DRP2: variants seen among roughly 807,000 people sequenced by gnomAD.
DRP2 encodes dystrophin-related protein 2.
In DRP2, 29 loss-of-function variants were observed where a neutral mutation model predicts 78.2. That is an observed-to-expected ratio of 0.37 (90% CI 0.28 to 0.51). DRP2 has a LOEUF of 0.51. DRP2 is among the 20% of genes least tolerant of loss of function. The pLI, the probability that DRP2 is intolerant of heterozygous loss-of-function variation, is 0.94. For missense variants in DRP2, 686 were observed against 770.6 expected (o/e 0.89, Z 1.30); for synonymous variants, 290 against 281.9 (o/e 1.03, Z -0.29).
chrX:101,246,991 A>T (rs1922954149), intron 11 of DRP2, 99 bp from the exon 12 acceptor site: 1 of 654,728 alleles, frequency 1.5e-6, no homozygotes, highest in Non-Finnish European at 2.3e-6. Flanking sequence ...ATTGTCAGAC[A>T]TCTATTGGTT....
At chrX:101,241,028 G>A (rs1205584360) in intron 6 of DRP2, among the ~76,000 whole-genome samples, 1 of 112,195 alleles carries the variant, frequency 8.9e-6, no homozygotes. Context: ...GTGGGCAACA[G>A]AAACTAATGC....
At chrX:101,245,207 C>T in intron 10 of DRP2, 130 bp downstream of exon 10, 2 of 829,168 alleles carry the variant, frequency 2.4e-6, no homozygotes, top group East Asian at 3.2e-5. Context: ...TTCTCCTACT[C>T]ATCTCAAGAT....
At chrX:101,234,661 A>G (rs1018574595) in intron 3 of DRP2, among the ~76,000 whole-genome samples, 1 of 111,072 alleles carries the variant, frequency 9.0e-6, no homozygotes, top group Non-Finnish European at 1.9e-5. Flanking sequence ...GGATCCTGCT[A>G]TGGACTCCCC....
Position 101,236,487 on chromosome X carries a change from C to T in DRP2, c.281+464C>T, listed in dbSNP as rs749465226. On this transcript the variant is annotated intron_variant, in intron 4 of 23. Transcript: ENST00000395209. Reference sequence around the variant, plus strand: ...ATCTGTTCACTTCCCCATCCTTTTACGTTCTATCCATAAGTTTTCAGCCCA... The same window carrying T: ...ATCTGTTCACTTCCCCATCCTTTTATGTTCTATCCATAAGTTTTCAGCCCA... 6.3e-5 allele frequency among the ~76,000 whole-genome samples: 7 copies of T among 111,805 alleles called. No individual in the cohort carries two copies. The East Asian group carries it at 1.7e-3, about 27-fold the overall frequency.
At position 101,260,802 on chromosome X, in the gene DRP2, GA is replaced by G. The variant is rs755520748; in HGVS notation, c.*182del. ...GTGAGGTGCATGCGGGCAGTGATGGGAGAAGGGGAGGCATGATTCTTCTGAC... is the reference window on the plus strand; with the variant it reads ...GTGAGGTGCATGCGGGCAGTGATGGGGAAGGGGAGGCATGATTCTTCTGAC... On this transcript the variant is annotated 3_prime_UTR_variant, in exon 24 of 24. Transcript: ENST00000395209. 25 of 487,958 alleles carry G rather than the reference GA, an allele frequency of 5.1e-5. No homozygotes were observed. Among genetic ancestry groups the G allele is most frequent in the Non-Finnish European group, 6.0e-5 (19 of 317,615 alleles). 40.2% of individuals were successfully genotyped at this position (487,958 alleles called of 1,213,427 possible).
In DRP2 at chrX:101,242,906, G is replaced by A. The variant is rs765838575; in HGVS notation, c.978G>A (p.Ala326=). Reference sequence around the variant, plus strand: ...ACCTCACCCTGTTCTTTCCATAGGCGTCAGTTAGTGAGAGGCTTAAGCAGC... The same window carrying A: ...ACCTCACCCTGTTCTTTCCATAGGCATCAGTTAGTGAGAGGCTTAAGCAGC... The part of the protein sequence containing the change: ...QINVRWKQLQ[A]SVSERLKQLQ... Residue 326 remains alanine, a splice_region_variant and synonymous_variant, in exon 9 of 24, where the codon GCG becomes GCA. Coordinates refer to ENST00000395209, the MANE Select transcript of DRP2 (RefSeq NM_001939.3). The A allele has an allele frequency of 2.6e-5, 32 of 1,208,010 alleles. No homozygotes were observed. In the South Asian group the frequency reaches 3.2e-4, roughly 12 times the overall value.
chrX:101,259,019 C>T (rs1923453282), intron 22 of DRP2, among the ~76,000 whole-genome samples: 1 of 111,656 alleles, frequency 9.0e-6, no homozygotes, highest in South Asian at 3.7e-4. Flanking sequence ...CTCTGAGAGG[C>T]AATGTGTATG....
chrX:101,248,852 A>G (rs1170732919), intron 14 of DRP2, among the ~76,000 whole-genome samples: 1 of 112,120 alleles, frequency 8.9e-6, no homozygotes, highest in Non-Finnish European at 1.9e-5. Flanking sequence ...TGATGGAAGT[A>G]CTTAGTCAGG....
chrX:101,259,659 C>T (rs939930084), intron 22 of DRP2, among the ~76,000 whole-genome samples: 4 of 111,257 alleles, frequency 3.6e-5, no homozygotes, highest in African/African-American at 9.8e-5. Flanking sequence ...CCACCATGCC[C>T]GGCTAATTTT....
rs1203536460 is a variant in DRP2, at chrX:101,258,471, G to A, written c.2553G>A (p.Thr851=). The A allele has an allele frequency of 1.3e-5, 16 of 1,197,064 alleles. No individual in the cohort carries two copies. The South Asian group carries it at 1.6e-4, about 12-fold the overall frequency. The change falls in exon 22 of 24, where the codon ACG becomes ACA. Residue 851 remains threonine, a synonymous_variant. Coordinates refer to ENST00000395209, the MANE Select transcript of DRP2 (RefSeq NM_001939.3). ...GGCAACATAAGAGCCGCCTGGAGACGCGCATGCAGATCCTCGAAGATCACA... is the reference window on the plus strand; with the variant it reads ...GGCAACATAAGAGCCGCCTGGAGACACGCATGCAGATCCTCGAAGATCACA... The part of the protein sequence containing the change: ...ILRQHKSRLE[T]RMQILEDHNK...
chrX:101,247,875 T>G (rs1317059460), intron 12 of DRP2, among the ~76,000 whole-genome samples: 2 of 112,375 alleles, frequency 1.8e-5, no homozygotes, highest in Admixed American at 9.4e-5. Flanking sequence ...ACATTGGATA[T>G]AAAAACATGT....
Position 101,247,692 on chromosome X carries a change from C to A in DRP2, c.1253-397C>A, listed in dbSNP as rs185977420. On this transcript the variant is annotated intron_variant, in intron 12 of 23. Coordinates refer to ENST00000395209, the MANE Select transcript of DRP2 (RefSeq NM_001939.3). ...CACATTTCCCCAACCATACCTGAGC[C>A]TTCATTGCTGGTGTCTAGGTTCTCA... 1.2e-4 allele frequency among the ~76,000 whole-genome samples: 14 copies of A among 112,105 alleles called. No homozygotes were observed. In the Admixed American group the frequency reaches 1.3e-3, roughly 11 times the overall value.
rs773930932 is a variant in DRP2, at chrX:101,247,168, C to T, written c.1252+4C>T. ...AGAGTCCAGAAAGCCCTGCGCTGTA[C>T]GTCTCCTGTTGTACTTCCCTATGAC... is the stretch of plus-strand genomic sequence containing the variant. On this transcript the variant is annotated splice_donor_region_variant and intron_variant, in intron 12 of 23. Transcript: ENST00000395209. 2.1e-5 allele frequency: 25 copies of T among 1,200,730 alleles called. No homozygotes were observed. Among genetic ancestry groups the T allele is most frequent in the Admixed American group, 6.6e-5 (3 of 45,121 alleles).
At chrX:101,223,044 T>C (rs1469806675) in intron 1 of DRP2, among the ~76,000 whole-genome samples, 1 of 111,772 alleles carries the variant, frequency 8.9e-6, no homozygotes, top group Non-Finnish European at 1.9e-5. Context: ...AGAGACGAGA[T>C]CTTGCACTGT....
At chrX:101,257,098 T>A (rs1013487346) in intron 21 of DRP2, among the ~76,000 whole-genome samples, 2 of 110,032 alleles carry the variant, frequency 1.8e-5, no homozygotes, top group African/African-American at 6.6e-5. Flanking sequence ...GACATGACTT[T>A]CCATAAAGTA....
rs1197805711 is a variant in DRP2, at chrX:101,247,141, G to T, written c.1229G>T (p.Arg410Leu). The change falls in exon 12 of 24, where the codon CGC becomes CTC. Residue 410 changes from arginine (R) to leucine (L), a missense_variant. Transcript: ENST00000395209. ...FSAYRTAMKL[R>L]RVQKALRLDL... is the part of the protein sequence containing the mutation. ...GCTTATCGCACTGCCATGAAACTCCGCAGAGTCCAGAAAGCCCTGCGCTGT... is the reference window on the plus strand; with the variant it reads ...GCTTATCGCACTGCCATGAAACTCCTCAGAGTCCAGAAAGCCCTGCGCTGT... The T allele has an allele frequency of 1.7e-6, 2 of 1,209,937 alleles. No individual in the cohort carries two copies. Among genetic ancestry groups the T allele is most frequent in the East Asian group, 3.0e-5 (1 of 33,713 alleles).
intron 17 of DRP2, among the ~76,000 whole-genome samples, chrX:101,253,544 T>G (rs1923218253): frequency 2.8e-5 from 1 of 36,030 alleles, no homozygotes; most frequent in Non-Finnish European, 5.1e-5. Flanking sequence ...TTTCACCTTT[T>G]TTTTTTTTTT....
intron 13 of DRP2, 72 bp from the exon 14 acceptor site, chrX:101,248,442 G>C (rs953593094): frequency 4.4e-6 from 5 of 1,148,205 alleles, no homozygotes; most frequent in Admixed American, 4.4e-5. Flanking sequence ...TCAACTTTGT[G>C]AGGGAAATGA....
intron 6 of DRP2, among the ~76,000 whole-genome samples, chrX:101,241,243 AAC>A (rs761533200): frequency 5.4e-5 from 6 of 112,102 alleles, no homozygotes; most frequent in Non-Finnish European, 1.1e-4. Flanking sequence ...CATAGAACTA[AAC>A]ACACGTGTAC....
Sources: allele counts gnomAD v4.1 joint callset (sites outside exome capture counted in the v4.1 genomes callset), GRCh38; gene constraint gnomAD v4.1.1; transcripts MANE v1.5; gene names NCBI Gene and HGNC (gene_info 2026-07-23, HGNC 2026-07-21).